Variants in POLK observed in about 807,000 individuals in gnomAD.
The protein encoded by POLK is DNA polymerase kappa, also known as polymerase (DNA directed) kappa.
Under a neutral mutation model 94.0 loss-of-function variants are expected in POLK, and 76 were observed. The observed-to-expected ratio is 0.81, with a 90% confidence interval of 0.67 to 0.98. POLK has a LOEUF of 0.98. Among genes scored for constraint, POLK ranks in the 50% least tolerant of loss-of-function variants. POLK has a pLI of 0.00. For synonymous variants in POLK, 349 were observed against 325.4 expected (o/e 1.07, Z -0.78); for missense variants, 954 against 1,010.1 (o/e 0.94, Z 0.75).
At chr5:75,591,589 G>T (rs958824859) in intron 11 of POLK, among the ~76,000 whole-genome samples, 1 of 152,094 alleles carries the variant, frequency 6.6e-6, no homozygotes, top group African/African-American at 2.4e-5. Context: ...ATTAACCCCA[G>T]ACTTTATTTG....
chr5:75,579,727 A>C (rs913835459), intron 6 of POLK, among the ~76,000 whole-genome samples: 1 of 152,018 alleles, frequency 6.6e-6, no homozygotes, highest in African/African-American at 2.4e-5. Flanking sequence ...TGAAGCACAT[A>C]AATATCAGCT....
downstream of POLK, among the ~76,000 whole-genome samples, chr5:75,603,773 C>A (rs777090691): frequency 1.3e-5 from 2 of 152,164 alleles, no homozygotes; most frequent in Non-Finnish European, 2.9e-5. Context: ...CCTGAATGCC[C>A]CTTTTCTCTC....
chr5:75,570,406 C>G (rs1771529583), intron 4 of POLK, among the ~76,000 whole-genome samples: 1 of 152,132 alleles, frequency 6.6e-6, no homozygotes, highest in Admixed American at 6.5e-5. Context: ...TTTATTGGAA[C>G]AAAGTCACAC....
intron 1 of POLK, among the ~76,000 whole-genome samples, chr5:75,518,949 A>T (rs1351678267): frequency 6.6e-6 from 1 of 152,144 alleles, no homozygotes; most frequent in Non-Finnish European, 1.5e-5. Flanking sequence ...GGTTCAGGTG[A>T]TGCTCCTGCC....
intron 1 of POLK, among the ~76,000 whole-genome samples, chr5:75,513,885 A>G (rs1254977697): frequency 6.6e-6 from 1 of 151,682 alleles, no homozygotes; most frequent in Non-Finnish European, 1.5e-5. Context: ...AAATTCTTTT[A>G]TTAATATTTT....
At chr5:75,569,725 A>G (rs1459334820) in intron 4 of POLK, among the ~76,000 whole-genome samples, 1 of 152,172 alleles carries the variant, frequency 6.6e-6, no homozygotes, top group East Asian at 1.9e-4. Context: ...TGGGCCTCAC[A>G]ACAGGAGGTG....
chr5:75,586,744 T>A (rs1167722478), intron 9 of POLK, among the ~76,000 whole-genome samples: 3 of 151,982 alleles, frequency 2.0e-5, no homozygotes, highest in Non-Finnish European at 4.4e-5. Flanking sequence ...TAAGTTGTGG[T>A]TTTTGATAGT....
chr5:75,542,332 T>C (rs918244930), intron 1 of POLK, among the ~76,000 whole-genome samples: 2 of 151,970 alleles, frequency 1.3e-5, no homozygotes, highest in Admixed American at 1.3e-4. Flanking sequence ...TCCCTCACTC[T>C]CCCTTTCCCC....
chr5:75,552,544 CA>C lies in POLK; in HGVS notation c.213del (p.Ala72LeufsTer8). 6.2e-7 allele frequency: 1 copy of C among 1,611,684 alleles called. No individual in the cohort carries two copies. The highest frequency in any genetic ancestry group is 8.5e-7 in the Non-Finnish European group (1 of 1,178,760). ...CCAACGAATTGAAAATATGATGCAA[CA>C]AAAAGCTCAAATCACCAGCCAACAG... On this transcript the variant is annotated frameshift_variant, in exon 3 of 15. Transcript: ENST00000241436. LOFTEE classifies it high-confidence loss of function.
intron 1 of POLK, among the ~76,000 whole-genome samples, chr5:75,543,765 A>T (rs1365416340): frequency 1.3e-5 from 2 of 152,198 alleles, no homozygotes; most frequent in East Asian, 3.8e-4. Flanking sequence ...GCCTTGTCCC[A>T]GGATTGCCCA....
chr5:75,560,404 C>T (rs1770907376), intron 3 of POLK, among the ~76,000 whole-genome samples: 1 of 152,092 alleles, frequency 6.6e-6, no homozygotes, highest in Non-Finnish European at 1.5e-5. Flanking sequence ...TACCACTTTA[C>T]AAATAAGGAA....
chr5:75,550,531 A>G (rs1561361632), intron 2 of POLK, among the ~76,000 whole-genome samples: 1 of 152,114 alleles, frequency 6.6e-6, no homozygotes, highest in East Asian at 1.9e-4. Context: ...GTGAGCCAAG[A>G]TTGCACCACT....
intron 1 of POLK, among the ~76,000 whole-genome samples, chr5:75,513,127 A>G (rs1768150591): frequency 1.3e-5 from 2 of 152,226 alleles, no homozygotes; most frequent in African/African-American, 4.8e-5. Flanking sequence ...GGTTGGTAGC[A>G]TGAAGCTAGG....
At chr5:75,547,413 C>T (rs907024645) in intron 2 of POLK, among the ~76,000 whole-genome samples, 2 of 151,434 alleles carry the variant, frequency 1.3e-5, no homozygotes. Context: ...TTTTTTTAAC[C>T]CCAGTGGGAG....
intron 1 of POLK, among the ~76,000 whole-genome samples, chr5:75,537,906 G>A (rs1769532043): frequency 6.6e-6 from 1 of 151,330 alleles, no homozygotes; most frequent in Admixed American, 6.6e-5. Flanking sequence ...GCCCAGGTTG[G>A]AGTGCACTGG....
intron 3 of POLK, among the ~76,000 whole-genome samples, chr5:75,556,799 C>T (rs781674182): frequency 5.5e-4 from 84 of 151,986 alleles, no homozygotes; most frequent in Admixed American, 1.6e-3. Flanking sequence ...TGGCGGCTCA[C>T]GCCTGTAATC....
chr5:75,578,584 A>G (rs539617683), intron 6 of POLK, among the ~76,000 whole-genome samples: 1 of 152,310 alleles, frequency 6.6e-6, no homozygotes, highest in East Asian at 1.9e-4. Flanking sequence ...TTCTTAAACA[A>G]TTGGAATAGT....
chr5:75,601,368 TA>T (rs1224062437), downstream of POLK, among the ~76,000 whole-genome samples: 1 of 152,066 alleles, frequency 6.6e-6, no homozygotes, highest in Non-Finnish European at 1.5e-5. Context: ...TTAGACCAAA[TA>T]TTTTTTTGCC....
At chr5:75,566,197 A>G (rs1771259101) in intron 3 of POLK, among the ~76,000 whole-genome samples, 1 of 152,174 alleles carries the variant, frequency 6.6e-6, no homozygotes, top group South Asian at 2.1e-4. Flanking sequence ...GGCCTCAGTA[A>G]TGGATGACGC....
Sources: allele counts gnomAD v4.1 joint callset (sites outside exome capture counted in the v4.1 genomes callset), GRCh38; gene constraint gnomAD v4.1.1; transcripts MANE v1.5; gene names NCBI Gene and HGNC (gene_info 2026-07-23, HGNC 2026-07-21).